TMIGD3: variants seen among roughly 807,000 people sequenced by gnomAD.
The protein encoded by TMIGD3 is AD026 protein (AD026).
In TMIGD3, 21 loss-of-function variants were observed where a neutral mutation model predicts 28.1. The ratio of observed to expected loss-of-function variants is 0.75; its 90% confidence interval spans 0.53 to 1.08. TMIGD3 has a LOEUF of 1.08. Among genes scored for constraint, TMIGD3 ranks in the 50% least tolerant of loss-of-function variants. The pLI, the probability that TMIGD3 is intolerant of heterozygous loss-of-function variation, is 0.00. For missense variants in TMIGD3, 416 were observed against 435.6 expected (o/e 0.96, Z 0.40); for synonymous variants, 151 against 162.1 (o/e 0.93, Z 0.52).
chr1:111,509,546 C>A (rs145082951), intron 1 of TMIGD3, among the ~76,000 whole-genome samples: 2 of 152,320 alleles, frequency 1.3e-5, no homozygotes, highest in East Asian at 3.9e-4. Flanking sequence ...TCTGGATATA[C>A]CAACTACTGA....
At chr1:111,519,305 G>C (rs527953123) in intron 1 of TMIGD3, among the ~76,000 whole-genome samples, 1 of 152,118 alleles carries the variant, frequency 6.6e-6, no homozygotes, top group Non-Finnish European at 1.5e-5. Context: ...GGCTTGGTTT[G>C]AGCACCTACT....
At chr1:111,533,180 T>A (rs116321383) in intron 1 of TMIGD3, among the ~76,000 whole-genome samples, 1 of 152,172 alleles carries the variant, frequency 6.6e-6, no homozygotes, top group Non-Finnish European at 1.5e-5. Flanking sequence ...TTCATTTTTG[T>A]ACGTGGAGGA....
chr1:111,503,338 G>C lies in TMIGD3; in HGVS notation c.17C>G (p.Thr6Ser), dbSNP rs55653224. Residue 6 changes from threonine (T) to serine (S), a missense_variant, in exon 1 of 6, where the codon ACT becomes AGT. Physicochemically the swap from Thr to Ser is moderately conservative, Grantham distance 58. Coordinates refer to ENST00000369716, the MANE Select transcript of TMIGD3 (RefSeq NM_020683.7). Reference sequence around the variant, plus strand: ...GGTAACATTGGCCAATGACAGAGCAGTGCTGTTGTTGGGCATCTTGCCTTC... The same window carrying C: ...GGTAACATTGGCCAATGACAGAGCACTGCTGTTGTTGGGCATCTTGCCTTC... MPNNS[T>S]ALSLANVTYI... The C allele has an allele frequency of 5.5e-5, 88 of 1,610,816 alleles. No individual in the cohort carries two copies. The East Asian group carries it at 1.8e-3, about 33-fold the overall frequency.
Position 111,502,433 on chromosome 1 carries a change from ATATT to A in TMIGD3, c.350+568_350+571del, listed in dbSNP as rs1302175539. Among the ~76,000 whole-genome samples, 44 of 140,800 alleles carry A rather than the reference ATATT, an allele frequency of 3.1e-4. 1 individual carries two copies. Among genetic ancestry groups the A allele is most frequent in the African/African-American group, 1.1e-3 (43 of 38,170 alleles). 92.4% of individuals were successfully genotyped at this position (140,800 alleles called of 152,430 possible). A position where few individuals can be genotyped will look rare whatever the true frequency, so the allele number is the denominator to read the frequency against. On this transcript the variant is annotated intron_variant, in intron 1 of 5. Transcript: ENST00000369716. ...TATAGTGAATATATATAGGATACATATATTTATTATAATGAATATATATAGGATA... is the reference window on the plus strand; with the variant it reads ...TATAGTGAATATATATAGGATACATATATTATAATGAATATATATAGGATA...
chr1:111,527,169 C>A (rs1291406607), intron 1 of TMIGD3, among the ~76,000 whole-genome samples: 4 of 151,840 alleles, frequency 2.6e-5, no homozygotes, highest in Non-Finnish European at 5.9e-5. Flanking sequence ...TGCCACCACA[C>A]CCAGATAATT....
At chr1:111,507,817 G>C (rs554885448), upstream of TMIGD3, among the ~76,000 whole-genome samples, 5 of 152,376 alleles carry the variant, frequency 3.3e-5, no homozygotes, top group African/African-American at 1.2e-4. Context: ...CTAGCCGACA[G>C]CTGAGGCTTA....
chr1:111,495,091 A>G (rs1035871757), intron 1 of TMIGD3, among the ~76,000 whole-genome samples: 4 of 152,246 alleles, frequency 2.6e-5, no homozygotes, highest in Non-Finnish European at 5.9e-5. Flanking sequence ...ACTGGCAAAG[A>G]TTTCATGATG....
At chr1:111,525,602 G>T (rs1266867911) in intron 1 of TMIGD3, among the ~76,000 whole-genome samples, 1 of 152,140 alleles carries the variant, frequency 6.6e-6, no homozygotes, top group Non-Finnish European at 1.5e-5. Context: ...AGTGGCTCAC[G>T]CCTGTAATCT....
chr1:111,490,457 C>A, intron 2 of TMIGD3, 199 bp downstream of exon 2: 1 of 564,962 alleles, frequency 1.8e-6, no homozygotes, highest in Non-Finnish European at 3.1e-6. Flanking sequence ...TTTCAATTTC[C>A]TCACAAACTC....
rs35807618 is a variant in TMIGD3 at position 111,542,085 on chromosome 1, C to CTT, written c.107+21759_107+21760dup. 7.2e-3 allele frequency: 1,204 copies of CTT among 167,540 alleles called. 16 individuals are homozygous for CTT. Among genetic ancestry groups the CTT allele is most frequent in the African/African-American group, 0.028 (1,119 of 39,444 alleles). 10.4% of individuals were successfully genotyped at this position (167,540 alleles called of 1,614,324 possible). A position where few individuals can be genotyped will look rare whatever the true frequency, so the allele number is the denominator to read the frequency against. On this transcript the variant is annotated intron_variant, in intron 1 of 5. Coordinates refer to the TMIGD3 transcript ENST00000369717. ...CTTAACTCAGGGTGGTGCAAAGAAG[C>CTT]TTTTTTTTTTTTTTTGAAGGGTTTT...
intron 1 of TMIGD3, among the ~76,000 whole-genome samples, chr1:111,492,685 G>A (rs989724630): frequency 2.6e-5 from 4 of 151,908 alleles, no homozygotes; most frequent in African/African-American, 4.8e-5. Flanking sequence ...GTGGTGGTGC[G>A]TGCCTGTAGT....
chr1:111,550,977 A>T (rs554382862), intron 1 of TMIGD3, among the ~76,000 whole-genome samples: 2 of 151,370 alleles, frequency 1.3e-5, no homozygotes, highest in South Asian at 4.1e-4. Flanking sequence ...TCATTATAAA[A>T]TGTTCTTCTT....
At chr1:111,492,630 A>G (rs1417428818) in intron 1 of TMIGD3, among the ~76,000 whole-genome samples, 1 of 152,056 alleles carries the variant, frequency 6.6e-6, no homozygotes, top group East Asian at 1.9e-4. Context: ...CCTGGCCAAT[A>G]TGGTGAAACC....
chr1:111,485,788 C>G lies in TMIGD3; in HGVS notation c.925G>C (p.Val309Leu), dbSNP rs1654336378. 1 of 1,462,260 alleles carries G rather than the reference C, an allele frequency of 6.8e-7. No individual in the cohort carries two copies. Among genetic ancestry groups the G allele is most frequent in the Non-Finnish European group, 9.2e-7 (1 of 1,083,980 alleles). The allele number at this position is 1,462,260 out of a possible 1,614,324, so 90.6% of individuals were successfully genotyped here. A position where few individuals can be genotyped will look rare whatever the true frequency, so the allele number is the denominator to read the frequency against. Reference sequence around the variant, plus strand: ...CTCCTTTTGGTCAAATGACTGATTACAGAGATGATTCCCAAACCCGTGATC... The same window carrying G: ...CTCCTTTTGGTCAAATGACTGATTAGAGAGATGATTCCCAAACCCGTGATC... The part of the protein sequence containing the change: ...ILITGLGIIS[V>L]ISHLTKRRRS... The change falls in exon 5 of 6, where the codon GTA (valine) becomes CTA (leucine). Residue 309 changes from valine (V) to leucine (L), a missense_variant. Physicochemically the swap from Val to Leu is conservative, Grantham distance 32. Coordinates refer to ENST00000369716, the MANE Select transcript of TMIGD3 (RefSeq NM_020683.7).
chr1:111,548,179 C>A (rs530398438), intron 1 of TMIGD3, among the ~76,000 whole-genome samples: 7 of 152,334 alleles, frequency 4.6e-5, no homozygotes, highest in Non-Finnish European at 8.8e-5. Context: ...TGCCACCACA[C>A]CTGGCTAATT....
chr1:111,488,651 AGC>A (rs1457233369), intron 3 of TMIGD3, 24 bp downstream of exon 3: 4 of 1,596,376 alleles, frequency 2.5e-6, no homozygotes, highest in Non-Finnish European at 3.4e-6. Context: ...GGTTACATCC[AGC>A]CAGACCCCAG....
upstream of TMIGD3, among the ~76,000 whole-genome samples, chr1:111,507,770 C>A (rs1043802583): frequency 1.3e-5 from 2 of 152,230 alleles, no homozygotes; most frequent in African/African-American, 4.8e-5. Context: ...ATCACCACTT[C>A]CCCAAAGCCT....
At chr1:111,499,614 G>A (rs1415793) in intron 1 of TMIGD3, 893,473 of 1,101,204 alleles carry the variant, frequency 0.81, 363,095 homozygotes, top group Middle Eastern at 0.88. Context: ...CAGCCCAACT[G>A]GAGCCTTTTG....
At chr1:111,489,063 A>G in intron 2 of TMIGD3, 39 bp from the exon 3 acceptor site, 1 of 1,529,238 alleles carries the variant, frequency 6.5e-7, no homozygotes, top group Non-Finnish European at 9.0e-7. Flanking sequence ...GTGCACACAC[A>G]CACACCATTG....
Sources: allele counts gnomAD v4.1 joint callset (sites outside exome capture counted in the v4.1 genomes callset), GRCh38; gene constraint gnomAD v4.1.1; transcripts MANE v1.5; gene names NCBI Gene and HGNC (gene_info 2026-07-23, HGNC 2026-07-21).